Variants in VAV2 observed in about 807,000 individuals in gnomAD.
VAV2 encodes vav guanine nucleotide exchange factor 2, also known as guanine nucleotide exchange factor VAV2.
In VAV2, 67 loss-of-function variants were observed where a neutral mutation model predicts 132.5. The ratio of observed to expected loss-of-function variants is 0.51; its 90% CI spans 0.42 to 0.62. VAV2 has a LOEUF of 0.62. VAV2 is among the 20% of genes least tolerant of loss of function. VAV2 has a pLI of 0.00. For missense variants in VAV2, 938 were observed against 1,153.6 expected (o/e 0.81, Z 2.71); for synonymous variants, 492 against 443.5 (o/e 1.11, Z -1.37).
chr9:133,933,671 G>A (rs542021075), intron 2 of VAV2, among the ~76,000 whole-genome samples: 104 of 110,112 alleles, frequency 9.4e-4, no homozygotes, highest in Admixed American at 5.5e-3. Context: ...ATGGGTGGAC[G>A]GATGGATAGA....
chr9:133,769,592 G>T lies in VAV2; in HGVS notation c.2348-89C>A. The T allele has an allele frequency of 7.3e-7, 1 of 1,370,940 alleles. No homozygotes were observed. Among genetic ancestry groups the T allele is most frequent in the Non-Finnish European group, 1.0e-6 (1 of 996,284 alleles). 84.9% of individuals were successfully genotyped at this position (1,370,940 alleles called of 1,614,324 possible). A position where few individuals can be genotyped will look rare whatever the true frequency, so the allele number is the denominator to read the frequency against. ...CACAGCTACAGGCCGGGGGGCATGG[G>T]GTGGGGCAGGCCCTTTGGCAGGAGA... On this transcript the variant is annotated intron_variant, in intron 27 of 29. Transcript: ENST00000371850. The surrounding 1 kb of genome is among the most constrained non-coding windows in gnomAD (Gnocchi z 8.1).
rs17151042 is a variant in VAV2 at position 133,823,111 on chromosome 9, G to A, written c.450-10895C>T. Among the ~76,000 whole-genome samples the A allele has an allele frequency of 0.02, 3,023 of 152,294 alleles. 73 individuals are homozygous for A. Among genetic ancestry groups the A allele is most frequent in the African/African-American group, 0.06 (2,493 of 41,542 alleles). The stretch of plus-strand genomic sequence containing the variant: ...ATCCTCCAGTATGGGAATCGTGAAT[G>A]CTCTCGGGACCTCATTATCCCCAGC... On this transcript the variant is annotated intron_variant, in intron 4 of 29. Transcript: ENST00000371850. This position sits in a 1 kb window ranked among gnomAD's most constrained non-coding sequence, Gnocchi z 5.5.
At chr9:133,797,903 G>T in intron 9 of VAV2, 94 bp from the exon 10 acceptor site, 1 of 1,170,348 alleles carries the variant, frequency 8.5e-7, no homozygotes. Flanking sequence ...CAGGCTGTAG[G>T]TGCGCAACCA....
intron 3 of VAV2, among the ~76,000 whole-genome samples, chr9:133,860,028 C>A (rs1010355576): frequency 2.6e-5 from 4 of 152,150 alleles, no homozygotes; most frequent in African/African-American, 9.7e-5. Context: ...CATGGCCGGG[C>A]GAGGTGGCTC....
chr9:133,923,483 T>A (rs1338065391), intron 2 of VAV2, among the ~76,000 whole-genome samples: 4 of 152,128 alleles, frequency 2.6e-5, no homozygotes, highest in Non-Finnish European at 5.9e-5. Flanking sequence ...CATTAAAAAG[T>A]CAGGAAACAA....
intron 2 of VAV2, among the ~76,000 whole-genome samples, chr9:133,878,248 C>T (rs1208193132): frequency 6.6e-6 from 1 of 152,162 alleles, no homozygotes; most frequent in East Asian, 1.9e-4. Flanking sequence ...GGACAGGTTG[C>T]TGGCACCTCT....
Position 133,992,127 on chromosome 9 carries a change from G to C in VAV2, c.152C>G (p.Ser51Cys), listed in dbSNP as rs1160242481. 2 of 1,594,584 alleles carry C rather than the reference G, an allele frequency of 1.3e-6. No individual in the cohort carries two copies. The highest frequency in any genetic ancestry group is 1.7e-6 in the Non-Finnish European group (2 of 1,171,194). Residue 51 changes from serine to cysteine, a missense_variant, in exon 1 of 30, where the codon TCC becomes TGC. Ser to Cys is a moderately radical substitution (Grantham distance 112, BLOSUM62 -1). Coordinates refer to ENST00000371850, the MANE Select transcript of VAV2 (RefSeq NM_001134398.2). This position sits in a 1 kb window ranked among gnomAD's most constrained non-coding sequence, Gnocchi z 5.5. ...VLLCQLLHNL[S>C]PGSIDLKDIN... ...GTCCTTGAGGTCGATGGAGCCGGGG[G>C]AGAGGTTGTGCAGCAGCTGGCACAG...
At chr9:133,878,101 C>T (rs1038354924) in intron 2 of VAV2, among the ~76,000 whole-genome samples, 1 of 152,150 alleles carries the variant, frequency 6.6e-6, no homozygotes, top group African/African-American at 2.4e-5. Context: ...GCTCAGCAGG[C>T]GAAGTCTCTT....
chr9:133,860,161 G>T (rs561016347), intron 3 of VAV2, among the ~76,000 whole-genome samples: 1 of 152,090 alleles, frequency 6.6e-6, no homozygotes, highest in South Asian at 2.1e-4. Flanking sequence ...AATTAGCCGG[G>T]CGTGGTGGTG....
chr9:133,980,466 T>C (rs995680011), intron 1 of VAV2, among the ~76,000 whole-genome samples: 11 of 152,146 alleles, frequency 7.2e-5, no homozygotes, highest in South Asian at 2.1e-4. Flanking sequence ...AGAGGGGCCC[T>C]GGCAACAAGA....
rs775944049 is a variant in VAV2, at chr9:133,797,763, T to C, written c.883A>G (p.Asn295Asp). Residue 295 changes from asparagine to aspartate, a missense_variant, in exon 10 of 30, where the codon AAC becomes GAC. Asn to Asp is a conservative substitution (Grantham distance 23). Transcript: ENST00000371850. Reference protein sequence around the residue: ...EYCSHMEHAQNTLNQLLASRE... With the variant: ...EYCSHMEHAQDTLNQLLASRE... ...CTGGCCAGGAGCTGGTTCAGTGTGT[T>C]CTGGGCGTGCTCCATGTGGCTGCAG... 48 of 1,613,934 alleles carry C rather than the reference T, an allele frequency of 3.0e-5. No homozygotes were observed. In the South Asian group the frequency reaches 5.3e-4, roughly 18 times the overall value.
intron 11 of VAV2, among the ~76,000 whole-genome samples, chr9:133,795,992 T>C (rs1834697738): frequency 1.3e-5 from 2 of 152,342 alleles, no homozygotes; most frequent in Non-Finnish European, 1.5e-5. Flanking sequence ...AGAAGGGCCA[T>C]GAAGGCAGCA....
chr9:133,947,858 C>T (rs1172491417), intron 1 of VAV2, among the ~76,000 whole-genome samples: 1 of 151,608 alleles, frequency 6.6e-6, no homozygotes, highest in Non-Finnish European at 1.5e-5. Flanking sequence ...GGCGTGATCT[C>T]GGCTCACTGC....
chr9:133,868,250 G>C (rs983654281), intron 2 of VAV2, among the ~76,000 whole-genome samples: 1 of 152,226 alleles, frequency 6.6e-6, no homozygotes, highest in African/African-American at 2.4e-5. Context: ...GCAACACGAG[G>C]GGCAACCTGC....
rs746333446 is a variant in VAV2, at chr9:133,937,535, T to TGA, written c.321+1566_321+1567dup. Among the ~76,000 whole-genome samples, 41 of 100,614 alleles carry TGA rather than the reference T, an allele frequency of 4.1e-4. No homozygotes were observed. In the South Asian group the frequency reaches 0.011, roughly 26 times the overall value. The allele number at this position is 100,614 out of a possible 152,430, so 66.0% of individuals were successfully genotyped here. A position where few individuals can be genotyped will look rare whatever the true frequency, so the allele number is the denominator to read the frequency against. On this transcript the variant is annotated intron_variant, in intron 2 of 29. Coordinates refer to ENST00000371850, the MANE Select transcript of VAV2 (RefSeq NM_001134398.2). ...GTGTGTGCGCGTGTGAGAGTGTGTG[T>TGA]GAGAGTGTGTGTGTGTGTGTGTGTT...
intron 1 of VAV2, among the ~76,000 whole-genome samples, chr9:133,989,704 G>A (rs1296008107): frequency 6.6e-6 from 1 of 152,134 alleles, no homozygotes; most frequent in Non-Finnish European, 1.5e-5. Flanking sequence ...AAAAAAAAGT[G>A]AGTTTCCCAG....
At chr9:133,810,139 A>G in intron 6 of VAV2, 52 bp downstream of exon 6, 2 of 1,611,526 alleles carry the variant, frequency 1.2e-6, no homozygotes, top group African/African-American at 1.3e-5. Flanking sequence ...CTGAAAGGTC[A>G]AGAAGACGGC....
At chr9:133,901,277 G>A (rs71505238) in intron 2 of VAV2, among the ~76,000 whole-genome samples, 14,624 of 152,236 alleles carry the variant, frequency 0.096, 766 homozygotes, top group Admixed American at 0.12. Flanking sequence ...TCAACAGGCC[G>A]GCTACCCACT....
At chr9:133,812,718 A>G (rs1257272532) in intron 4 of VAV2, among the ~76,000 whole-genome samples, 1 of 152,130 alleles carries the variant, frequency 6.6e-6, no homozygotes, top group Non-Finnish European at 1.5e-5. Flanking sequence ...GGGTACATGG[A>G]GGGTGACCCG....
Sources: gnomAD v4.1 joint callset for allele counts (sites outside exome capture counted in the v4.1 genomes callset) on GRCh38, gnomAD v4.1.1 for gene constraint, Gnocchi (gnomAD v3.1) non-coding constraint, MANE v1.5 for transcripts, NCBI Gene and HGNC (gene_info 2026-07-23, HGNC 2026-07-21) for gene names.